Variants in SDK1 observed in about 807,000 individuals in gnomAD.
SDK1 encodes protein sidekick-1.
Under a neutral mutation model 245.5 loss-of-function variants are expected in SDK1, and 157 were observed. The observed-to-expected ratio is 0.64, with a 90% CI of 0.56 to 0.73. SDK1 has a LOEUF of 0.73. SDK1 is among the 30% of genes least tolerant of loss of function. The pLI, the probability that SDK1 is intolerant of heterozygous loss-of-function variation, is 0.00. For missense variants in SDK1, 3,583 were observed against 3,002.3 expected (o/e 1.19, Z -4.52); for synonymous variants, 1,647 against 1,278.5 (o/e 1.29, Z -6.15).
intron 1 of SDK1, among the ~76,000 whole-genome samples, chr7:3,321,251 T>C (rs1438220679): frequency 3.3e-5 from 5 of 152,190 alleles, no homozygotes; most frequent in African/African-American, 1.2e-4. Flanking sequence ...AAAATCAAAG[T>C]GAAAACAAGT....
At chr7:3,582,129 G>A (rs1318798099) in intron 1 of SDK1, among the ~76,000 whole-genome samples, 4 of 150,104 alleles carry the variant, frequency 2.7e-5, no homozygotes, top group Non-Finnish European at 4.5e-5. Flanking sequence ...GCCTGTCTCA[G>A]GTAGGTCTCC....
At chr7:4,041,321 T>C (rs1404282947) in intron 17 of SDK1, among the ~76,000 whole-genome samples, 1 of 151,030 alleles carries the variant, frequency 6.6e-6, no homozygotes, top group Non-Finnish European at 1.5e-5. Flanking sequence ...TTCAGATTCA[T>C]AGGACAGTTG....
intron 38 of SDK1, among the ~76,000 whole-genome samples, chr7:4,217,602 A>G (rs1784908982): frequency 6.6e-6 from 1 of 151,026 alleles, no homozygotes; most frequent in Non-Finnish European, 1.5e-5. Context: ...GCACCAGGCC[A>G]CCCGGAGAAC....
At chr7:3,534,714 T>C (rs1420397309) in intron 1 of SDK1, among the ~76,000 whole-genome samples, 1 of 152,190 alleles carries the variant, frequency 6.6e-6, no homozygotes, top group Non-Finnish European at 1.5e-5. Flanking sequence ...CTTAGGTAGA[T>C]AGTGAGGGTA....
intron 1 of SDK1, among the ~76,000 whole-genome samples, chr7:3,572,335 A>G (rs1347827308): frequency 1.3e-5 from 2 of 152,044 alleles, no homozygotes; most frequent in African/African-American, 4.8e-5. Context: ...AAAACGCCTC[A>G]GTGAAGATGG....
At chr7:4,019,257 A>G (rs185990185) in intron 17 of SDK1, among the ~76,000 whole-genome samples, 1 of 152,352 alleles carries the variant, frequency 6.6e-6, no homozygotes, top group African/African-American at 2.4e-5. Context: ...ACATTAGCTA[A>G]CTGGAATTTA....
At chr7:3,743,561 A>G (rs1032069573) in intron 4 of SDK1, among the ~76,000 whole-genome samples, 3 of 152,204 alleles carry the variant, frequency 2.0e-5, no homozygotes, top group Non-Finnish European at 4.4e-5. Context: ...CTTTACCAGA[A>G]TGGGTGTGCC....
rs1256353873 is a variant in SDK1 at position 3,876,024 on chromosome 7, G to T, written c.847+54441G>T. Among the ~76,000 whole-genome samples, 4 of 152,226 alleles carry T rather than the reference G, an allele frequency of 2.6e-5. No individual in the cohort carries two copies. The East Asian group carries it at 7.7e-4, about 29-fold the overall frequency. On this transcript the variant is annotated intron_variant, in intron 5 of 44. Transcript: ENST00000404826. ...GGAAAGTTTTGCTTGGTAGCCTCTTGCCATAGGTGGTGGAAGTATGTCATT... is the reference window on the plus strand; with the variant it reads ...GGAAAGTTTTGCTTGGTAGCCTCTTTCCATAGGTGGTGGAAGTATGTCATT...
At chr7:3,600,757 C>T (rs1781230190) in intron 1 of SDK1, among the ~76,000 whole-genome samples, 1 of 151,916 alleles carries the variant, frequency 6.6e-6, no homozygotes, top group Non-Finnish European at 1.5e-5. Context: ...ACCGTGTTAG[C>T]CAGGATGGTC....
chr7:4,099,470 C>A (rs1243919521), intron 22 of SDK1, among the ~76,000 whole-genome samples: 1 of 132,010 alleles, frequency 7.6e-6, no homozygotes, highest in African/African-American at 2.8e-5. Flanking sequence ...GTCACAGTCT[C>A]AGCGGGCTCC....
At chr7:3,915,883 T>A (rs1349697457) in intron 5 of SDK1, among the ~76,000 whole-genome samples, 2 of 152,234 alleles carry the variant, frequency 1.3e-5, no homozygotes, top group African/African-American at 2.4e-5. Context: ...TTTTATTTAG[T>A]GAACTACAGT....
intron 5 of SDK1, among the ~76,000 whole-genome samples, chr7:3,937,793 G>A (rs1405732622): frequency 6.6e-6 from 1 of 152,172 alleles, no homozygotes; most frequent in Admixed American, 6.5e-5. Flanking sequence ...ATGGGCTTGG[G>A]CTCCACGCCC....
chr7:4,153,840 C>T (rs1234079012), intron 30 of SDK1, among the ~76,000 whole-genome samples: 4 of 120,122 alleles, frequency 3.3e-5, no homozygotes, highest in African/African-American at 1.4e-4. Flanking sequence ...TCGTGCCTGG[C>T]TAATGTTTAA....
chr7:3,608,251 T>G (rs1194435955), intron 1 of SDK1, among the ~76,000 whole-genome samples: 2 of 152,202 alleles, frequency 1.3e-5, no homozygotes, highest in African/African-American at 4.8e-5. Context: ...AAATGTGAAT[T>G]ACATATAAAC....
At chr7:4,079,167 G>A (rs531665584) in intron 21 of SDK1, among the ~76,000 whole-genome samples, 35 of 152,228 alleles carry the variant, frequency 2.3e-4, no homozygotes, top group Middle Eastern at 3.4e-3. Context: ...AATTACCTAC[G>A]AAGTACAGAG....
At position 3,301,542 on chromosome 7, in the gene SDK1, C is replaced by T; in HGVS notation, c.-45C>T. On this transcript the variant is annotated 5_prime_UTR_variant, in exon 1 of 45. Coordinates refer to ENST00000404826, the MANE Select transcript of SDK1 (RefSeq NM_152744.4). Reference sequence around the variant, plus strand: ...CTCGGAGCCGTCCCGCCTGTCCTGCCCGCCCGTCCGTCCGGCGCGGCGCTC... The same window carrying T: ...CTCGGAGCCGTCCCGCCTGTCCTGCTCGCCCGTCCGTCCGGCGCGGCGCTC... The T allele has an allele frequency of 2.8e-6, 2 of 722,492 alleles. No individual in the cohort carries two copies. The highest frequency in any genetic ancestry group is 3.4e-6 in the Non-Finnish European group (2 of 593,602). The allele number at this position is 722,492 out of a possible 1,614,324, so 44.8% of individuals were successfully genotyped here.
At chr7:4,032,360 A>G (rs903927339) in intron 17 of SDK1, among the ~76,000 whole-genome samples, 1 of 152,216 alleles carries the variant, frequency 6.6e-6, no homozygotes, top group Non-Finnish European at 1.5e-5. Flanking sequence ...TAAACTGTGC[A>G]TGTACCTCAA....
At chr7:3,795,291 G>C (rs1240409196) in intron 4 of SDK1, among the ~76,000 whole-genome samples, 1 of 152,170 alleles carries the variant, frequency 6.6e-6, no homozygotes, top group Non-Finnish European at 1.5e-5. Flanking sequence ...ATGTTGGATA[G>C]GGTGTCTTGT....
At chr7:3,491,543 C>T (rs559189653) in intron 1 of SDK1, among the ~76,000 whole-genome samples, 1 of 152,280 alleles carries the variant, frequency 6.6e-6, no homozygotes, top group South Asian at 2.1e-4. Context: ...TATTCATAAA[C>T]CATTGTGATC....
Sources: gnomAD v4.1 joint callset for allele counts (sites outside exome capture counted in the v4.1 genomes callset) on GRCh38, gnomAD v4.1.1 for gene constraint, MANE v1.5 for transcripts, NCBI Gene and HGNC (gene_info 2026-07-23, HGNC 2026-07-21) for gene names.